Variants in MYT1 observed in about 807,000 individuals in gnomAD.
The protein encoded by MYT1 is myelin transcription factor I.
Under a neutral mutation model 123.0 loss-of-function variants are expected in MYT1, and 23 were observed. The observed-to-expected ratio is 0.19, with a 90% CI of 0.13 to 0.26. MYT1 has a LOEUF of 0.26. Ranked by LOEUF, MYT1 falls within the 10% of genes least tolerant of loss-of-function variation. MYT1 has a pLI of 1.00. For synonymous variants in MYT1, 518 were observed against 575.3 expected, an observed-to-expected ratio of 0.90 and a Z score of 1.43; for missense variants, 1,125 against 1,472.5, an observed-to-expected ratio of 0.76 and a Z score of 3.86.
chr20:64,226,757 G>T (rs1049940171), intron 16 of MYT1, among the ~76,000 whole-genome samples: 1 of 152,264 alleles, frequency 6.6e-6, no homozygotes, highest in African/African-American at 2.4e-5. Context: ...TTTTGGGTGT[G>T]TAAAGTTGGA....
chr20:64,187,344 G>A (rs1260744302), intron 1 of MYT1, among the ~76,000 whole-genome samples: 3 of 149,246 alleles, frequency 2.0e-5, no homozygotes, highest in East Asian at 2.0e-4. Flanking sequence ...GAGTTTTCCT[G>A]TAGCCTGTGG....
At chr20:64,236,515 G>T in intron 19 of MYT1, 40 bp from the exon 20 acceptor site, 2 of 1,552,004 alleles carry the variant, frequency 1.3e-6, no homozygotes, top group South Asian at 2.2e-5. Context: ...CGTGGTGGGT[G>T]ACCCTGGGCT....
chr20:64,207,221 A>AT (rs558452927), intron 6 of MYT1, among the ~76,000 whole-genome samples: 131 of 152,308 alleles, frequency 8.6e-4, no homozygotes, highest in African/African-American at 2.9e-3. Context: ...AATTATTATT[A>AT]TTTTTTTAAA....
rs1402140038 is a variant in MYT1 at position 64,223,138 on chromosome 20, C to T, written c.2424C>T (p.Ser808=). Residue 808 remains serine (S), a synonymous_variant, in exon 15 of 23, where the codon AGC becomes AGT. Transcript: ENST00000328439. ...LTCPTPGCDG[S]GHITGNYASH... ...GTCCCACCCCTGGCTGTGACGGCAGCGGCCACATCACCGGGAACTACGCCT... is the reference window on the plus strand; with the variant it reads ...GTCCCACCCCTGGCTGTGACGGCAGTGGCCACATCACCGGGAACTACGCCT... The T allele has an allele frequency of 6.2e-6, 10 of 1,614,152 alleles. No individual in the cohort carries two copies. In the South Asian group the frequency reaches 6.6e-5, roughly 11 times the overall value.
At chr20:64,238,642 G>A (rs150516849) in intron 21 of MYT1, among the ~76,000 whole-genome samples, 4,848 of 152,284 alleles carry the variant, frequency 0.032, 111 homozygotes, top group Middle Eastern at 0.071. Flanking sequence ...AGCCATCCCC[G>A]TCCCCTCCTG....
At chr20:64,180,974 T>G (rs923161552) in intron 1 of MYT1, among the ~76,000 whole-genome samples, 4 of 152,236 alleles carry the variant, frequency 2.6e-5, no homozygotes, top group African/African-American at 9.6e-5. Flanking sequence ...TTCTACTTCC[T>G]GTGATCAGTG....
At chr20:64,224,390 C>G (rs11697914) in intron 16 of MYT1, among the ~76,000 whole-genome samples, 20,389 of 152,180 alleles carry the variant, frequency 0.13, 1,444 homozygotes, top group South Asian at 0.18. Flanking sequence ...CTGGCTCAGA[C>G]CTGGACAGAA....
rs1213792969 is a variant in MYT1 at position 64,207,985 on chromosome 20, GGAGGAGGAGGAGGAA to G, written c.804_818del (p.Glu269_Glu273del). On this transcript the variant is annotated inframe_deletion, in exon 7 of 23. Coordinates refer to ENST00000328439, the MANE Select transcript of MYT1 (RefSeq NM_004535.3). ...TGAGTCACGAAGAGGAGGACGAGGAGGAGGAGGAGGAGGAAGAGGAGGAGGAGGAGGATGAAGAAG... is the reference window on the plus strand; with the variant it reads ...TGAGTCACGAAGAGGAGGACGAGGAGGAGGAGGAGGAGGAGGATGAAGAAG... 5.0e-6 allele frequency: 8 copies of G among 1,595,462 alleles called. No homozygotes were observed. The highest frequency in any genetic ancestry group is 2.7e-5 in the African/African-American group (2 of 74,126).
intron 19 of MYT1, among the ~76,000 whole-genome samples, chr20:64,235,940 ACCCTGGGCTGGACG>A (rs1984521464): frequency 7.1e-6 from 1 of 140,710 alleles, no homozygotes; most frequent in Admixed American, 7.0e-5. Flanking sequence ...GCGGTGGGTG[ACCCTGGGCTGGACG>A]TGGTGGGTGA....
rs183299205 is a variant in MYT1 at position 64,205,524 on chromosome 20, C to T, written c.150-29C>T. 5.0e-6 allele frequency: 8 copies of T among 1,611,182 alleles called. No individual in the cohort carries two copies. In the East Asian group the frequency reaches 1.6e-4, roughly 31 times the overall value. On this transcript the variant is annotated intron_variant, in intron 5 of 22. Transcript: ENST00000328439. The stretch of plus-strand genomic sequence containing the variant: ...AGGCCTCTCGTGGCCCTAGCCTGGT[C>T]CTCTCCACTGCCTACTCCTCCCTCC...
At chr20:64,239,938 AC>A in intron 22 of MYT1, 35 bp downstream of exon 22, 1 of 1,604,868 alleles carries the variant, frequency 6.2e-7, no homozygotes, top group Middle Eastern at 1.7e-4. Flanking sequence ...CACCACAGCT[AC>A]CCCCCAGGGT....
rs550441116 is a variant in MYT1, at chr20:64,219,821, G to A, written c.2080G>A (p.Gly694Ser). 1.3e-4 allele frequency: 215 copies of A among 1,613,344 alleles called. 7 individuals are homozygous for A. The South Asian group carries it at 1.9e-3, about 15-fold the overall frequency. Residue 694 changes from glycine (G) to serine (S), a missense_variant, in exon 13 of 23, where the codon GGT becomes AGT. Transcript: ENST00000328439. Reference protein sequence around the residue: ...PSSSSCSSSPGVKSPDASQRH... With the variant: ...PSSSSCSSSPSVKSPDASQRH... ...CAGCAGCAGCTGCAGCAGCAGCCCCGGTGTGAAGTCTCCCGACGCCTCCCA... is the reference window on the plus strand; with the variant it reads ...CAGCAGCAGCTGCAGCAGCAGCCCCAGTGTGAAGTCTCCCGACGCCTCCCA...
chr20:64,184,809 C>A (rs1023536773), intron 1 of MYT1, among the ~76,000 whole-genome samples: 1 of 152,098 alleles, frequency 6.6e-6, no homozygotes, highest in Admixed American at 6.5e-5. Context: ...GAAAACCCCA[C>A]GTCACGTAAG....
chr20:64,235,105 G>A (rs1247620716), intron 19 of MYT1, among the ~76,000 whole-genome samples: 5 of 143,504 alleles, frequency 3.5e-5, no homozygotes, highest in Non-Finnish European at 7.6e-5. Context: ...TGGCCGTGGT[G>A]GGTGACCCTG....
chr20:64,220,054 T>C, intron 13 of MYT1, 72 bp downstream of exon 13: 3 of 1,409,386 alleles, frequency 2.1e-6, no homozygotes, highest in Non-Finnish European at 2.8e-6. Context: ...TGTTGTGATA[T>C]TGGCTTTTCA....
intron 1 of MYT1, among the ~76,000 whole-genome samples, chr20:64,178,472 T>A (rs368302): frequency 0.8 from 90,850 of 113,718 alleles, 37,664 homozygotes; most frequent in East Asian, 0.96. Context: ...GGAAGAGCGC[T>A]GAGCCGTTAT....
chr20:64,224,672 C>T (rs753828422), intron 16 of MYT1, among the ~76,000 whole-genome samples: 5 of 152,228 alleles, frequency 3.3e-5, no homozygotes, highest in African/African-American at 4.8e-5. Flanking sequence ...AACACTCAGT[C>T]CTGCAGCTTC....
In MYT1 at chr20:64,242,051, T is replaced by G. The variant is rs144820906; in HGVS notation, c.*1603T>G. ...TCTCGTGTCGCGTTTGCGTGTCGGC[T>G]CTTGCGGTGGAGTCCTGTTGCTGTG... is the stretch of plus-strand genomic sequence containing the variant. On this transcript the variant is annotated 3_prime_UTR_variant, in exon 23 of 23. Transcript: ENST00000328439. 1 of 152,702 alleles carries G rather than the reference T, an allele frequency of 6.5e-6. No homozygotes were observed. Among genetic ancestry groups the G allele is most frequent in the African/African-American group, 2.4e-5 (1 of 41,586 alleles). The allele number at this position is 152,702 out of a possible 1,614,324, so 9.5% of individuals were successfully genotyped here.
At position 64,219,011 on chromosome 20, in the gene MYT1, G is replaced by T. The variant is rs142303893; in HGVS notation, c.1947G>T (p.Thr649=). The T allele has an allele frequency of 1.9e-6, 3 of 1,613,394 alleles. No homozygotes were observed. The highest frequency in any genetic ancestry group is 2.5e-6 in the Non-Finnish European group (3 of 1,179,904). Residue 649 remains threonine (T), a synonymous_variant, in exon 12 of 23, where the codon ACG becomes ACT. Transcript: ENST00000328439. ...RCWEMPENLS[T]KPQDLPSKSV... ...GGGAGATGCCTGAGAACCTCAGCAC[G>T]AAGCCACAGGACCTCCCCAGCAAGG...
Sources: gnomAD v4.1 joint callset for allele counts (sites outside exome capture counted in the v4.1 genomes callset) on GRCh38, gnomAD v4.1.1 for gene constraint, MANE v1.5 for transcripts, NCBI Gene and HGNC (gene_info 2026-07-23, HGNC 2026-07-21) for gene names.